KLF12: variants seen among roughly 807,000 people sequenced by gnomAD.
KLF12 encodes the protein KLF transcription factor 12, also known as Krueppel-like factor 12.
A neutral mutation model predicts 37.8 loss-of-function variants in KLF12; 9 were observed. The ratio of observed to expected loss-of-function variants is 0.24; its 90% CI spans 0.14 to 0.42. KLF12 has a LOEUF of 0.42. Ranked by LOEUF, KLF12 falls within the 10% of genes least tolerant of loss-of-function variation. The pLI is 1.00. For synonymous variants in KLF12, 208 were observed against 202.1 expected (o/e 1.03, Z -0.25); for missense variants, 411 against 516.0 (o/e 0.80, Z 1.97).
At chr13:74,090,777 T>A (rs1875605262) in intron 1 of KLF12, among the ~76,000 whole-genome samples, 1 of 152,100 alleles carries the variant, frequency 6.6e-6, no homozygotes, top group Non-Finnish European at 1.5e-5. Context: ...TGTGTATTCT[T>A]CTCATTCTGT....
At chr13:74,124,973 C>T (rs1344476463) in intron 1 of KLF12, among the ~76,000 whole-genome samples, 1 of 151,828 alleles carries the variant, frequency 6.6e-6, no homozygotes, top group Non-Finnish European at 1.5e-5. Context: ...TGGTGAAACC[C>T]GTCTCTACTA....
intron 4 of KLF12, among the ~76,000 whole-genome samples, chr13:73,822,735 G>T (rs189279161): frequency 6.6e-6 from 1 of 152,220 alleles, no homozygotes; most frequent in East Asian, 1.9e-4. Context: ...GTACGTCTTA[G>T]AGCATAAAAG....
At chr13:73,866,518 T>A (rs1471647802) in intron 3 of KLF12, among the ~76,000 whole-genome samples, 1 of 152,160 alleles carries the variant, frequency 6.6e-6, no homozygotes, top group African/African-American at 2.4e-5. Flanking sequence ...TTTGAAGAGT[T>A]ACTTCTCAAC....
chr13:73,937,101 A>C (rs1334794071), intron 3 of KLF12, among the ~76,000 whole-genome samples: 1 of 152,164 alleles, frequency 6.6e-6, no homozygotes, highest in East Asian at 1.9e-4. Flanking sequence ...GAGGCAGGAG[A>C]ATCGCTTGAA....
chr13:73,748,459 C>G (rs1358403326), intron 6 of KLF12, among the ~76,000 whole-genome samples: 3 of 151,852 alleles, frequency 2.0e-5, no homozygotes, highest in African/African-American at 7.3e-5. Flanking sequence ...GTGGTGGGGC[C>G]CTTAGGATGG....
intron 1 of KLF12, among the ~76,000 whole-genome samples, chr13:74,097,799 G>A (rs1876068641): frequency 6.6e-6 from 1 of 151,492 alleles, no homozygotes; most frequent in Admixed American, 6.6e-5. Context: ...TCCTAAAGCA[G>A]CAACACATAA....
At chr13:74,065,396 G>A (rs933241862) in intron 1 of KLF12, among the ~76,000 whole-genome samples, 2 of 152,098 alleles carry the variant, frequency 1.3e-5, no homozygotes, top group Admixed American at 6.6e-5. Context: ...GTGTAACTAT[G>A]TCAAAGTTAC....
chr13:73,859,099 C>A (rs924661264), intron 3 of KLF12, among the ~76,000 whole-genome samples: 1 of 152,122 alleles, frequency 6.6e-6, no homozygotes, highest in Admixed American at 6.5e-5. Context: ...TGGGAGGAGC[C>A]TCTCTGTCAT....
At chr13:74,114,987 C>T (rs1459649218) in intron 1 of KLF12, among the ~76,000 whole-genome samples, 2 of 152,050 alleles carry the variant, frequency 1.3e-5, no homozygotes, top group Non-Finnish European at 2.9e-5. Context: ...TTATGAGAAT[C>T]TAATGCCTGA....
chr13:73,816,315 A>T (rs1594124714), intron 4 of KLF12, among the ~76,000 whole-genome samples: 1 of 152,364 alleles, frequency 6.6e-6, no homozygotes, highest in East Asian at 1.9e-4. Flanking sequence ...ACCAGAAACA[A>T]AAAAATATCA....
chr13:74,264,516 A>C, the KLF12 span, among the ~76,000 whole-genome samples: 1 of 152,168 alleles, frequency 6.6e-6, no homozygotes, highest in Non-Finnish European at 1.5e-5. Context: ...ATATGGGAGG[A>C]TTTGAAGGAC....
the KLF12 span, among the ~76,000 whole-genome samples, chr13:74,203,041 T>G: frequency 6.6e-6 from 1 of 152,174 alleles, no homozygotes; most frequent in South Asian, 2.1e-4. Flanking sequence ...AGTGATTTAT[T>G]ATTAAACTCT....
At chr13:73,989,383 G>A (rs966348861) in intron 2 of KLF12, among the ~76,000 whole-genome samples, 5 of 152,298 alleles carry the variant, frequency 3.3e-5, no homozygotes, top group Non-Finnish European at 7.4e-5. Flanking sequence ...CTTTGATTAC[G>A]ATAGACATCA....
the KLF12 span, among the ~76,000 whole-genome samples, chr13:74,268,940 T>C: frequency 1.1e-4 from 16 of 152,244 alleles, no homozygotes; most frequent in African/African-American, 3.6e-4. Flanking sequence ...ATCCTGACAC[T>C]GAAGAAAAAT....
intron 1 of KLF12, among the ~76,000 whole-genome samples, chr13:74,056,569 A>G (rs896844851): frequency 8.5e-5 from 13 of 152,246 alleles, no homozygotes; most frequent in Non-Finnish European, 1.9e-4. Flanking sequence ...GGGGAGAAGT[A>G]AAACTTATCT....
At chr13:73,741,786 T>C (rs1878003486) in intron 6 of KLF12, among the ~76,000 whole-genome samples, 1 of 152,128 alleles carries the variant, frequency 6.6e-6, no homozygotes, top group Non-Finnish European at 1.5e-5. Context: ...ACAGTTAAGT[T>C]TAAAAAAATG....
chr13:73,997,249 T>C (rs1257329210), intron 1 of KLF12, among the ~76,000 whole-genome samples: 1 of 152,144 alleles, frequency 6.6e-6, no homozygotes. Flanking sequence ...GTCTCACCTC[T>C]ATTATCTTCC....
chr13:74,299,160 A>G, the KLF12 span, among the ~76,000 whole-genome samples: 2 of 152,324 alleles, frequency 1.3e-5, no homozygotes, highest in East Asian at 3.9e-4. Flanking sequence ...CGGTTCAATA[A>G]ATAGCAGCAT....
chr13:74,190,522 G>A, the KLF12 span, among the ~76,000 whole-genome samples: 1 of 152,126 alleles, frequency 6.6e-6, no homozygotes, highest in Admixed American at 6.5e-5. Context: ...ATTATGCCCT[G>A]ATTGTTCTTC....
Sources: allele counts gnomAD v4.1 joint callset (sites outside exome capture counted in the v4.1 genomes callset), GRCh38; gene constraint gnomAD v4.1.1; transcripts MANE v1.5; gene names NCBI Gene and HGNC (gene_info 2026-07-23, HGNC 2026-07-21).